The following PVT1 variants were observed in gnomAD, a reference collection of about 807,000 sequenced individuals.
The protein encoded by PVT1 is CXCR4/PVT1 fusion.
intron 3 of PVT1, among the ~76,000 whole-genome samples, chr8:127,944,704 C>T (rs983586023): frequency 6.6e-5 from 10 of 152,156 alleles, no homozygotes; most frequent in Admixed American, 5.2e-4. Context: ...TGGGAAGAAG[C>T]GTGGCCATAT....
intron 3 of PVT1, among the ~76,000 whole-genome samples, chr8:127,900,590 G>A (rs547281954): frequency 2.0e-5 from 3 of 152,172 alleles, no homozygotes; most frequent in Admixed American, 6.5e-5. Context: ...CTTTTCTCCC[G>A]GCGCTATGCT....
At chr8:127,842,886 A>G (rs886115071) in intron 2 of PVT1, among the ~76,000 whole-genome samples, 1 of 152,162 alleles carries the variant, frequency 6.6e-6, no homozygotes, top group Non-Finnish European at 1.5e-5. Context: ...ATTGCCTAGT[A>G]CCCAACTTCC....
intron 3 of PVT1, among the ~76,000 whole-genome samples, chr8:127,946,392 C>T (rs2129917064): frequency 6.6e-6 from 1 of 152,346 alleles, no homozygotes; most frequent in South Asian, 2.1e-4. Flanking sequence ...GTTAAGAAAG[C>T]ATCTTCCATC....
At chr8:127,914,607 G>A (rs1430224544) in intron 3 of PVT1, among the ~76,000 whole-genome samples, 1 of 152,102 alleles carries the variant, frequency 6.6e-6, no homozygotes, top group Non-Finnish European at 1.5e-5. Flanking sequence ...ACTGTAAAAT[G>A]GAATGAGACA....
At chr8:128,008,796 G>A in intron 4 of PVT1, 2 of 408,170 alleles carry the variant, frequency 4.9e-6, no homozygotes, top group South Asian at 3.7e-5. Context: ...CCACTCAGCT[G>A]ATGAGATTGA....
chr8:127,861,278 C>T lies in PVT1; in HGVS notation n.373-29311C>T, dbSNP rs115591471. ...GGCCACTTGTTTCTGATGGGAGCCA[C>T]TTCTCAAACAGGTCGATGACTAGGA... On this transcript the variant is annotated intron_variant and non_coding_transcript_variant, in intron 2 of 10. Coordinates refer to ENST00000651587, the Ensembl canonical transcript of PVT1. Among the ~76,000 whole-genome samples the T allele has an allele frequency of 7.4e-3, 1,134 of 152,274 alleles. 13 individuals are homozygous for T. The highest frequency in any genetic ancestry group is 0.026 in the African/African-American group (1,075 of 41,558).
rs369747406 is a variant in PVT1 at position 127,804,415 on chromosome 8, C to G, written n.372+8344C>G. Among the ~76,000 whole-genome samples the G allele has an allele frequency of 6.6e-4, 100 of 152,290 alleles. 3 individuals are homozygous for G. In the South Asian group the frequency reaches 0.02, roughly 30 times the overall value. ...TTAACTCCCGGCTTCAAGTGACCCT[C>G]CCACTTTGGCCTCCCAAAGTGTTGA... On this transcript the variant is annotated intron_variant and non_coding_transcript_variant, in intron 2 of 10. Coordinates refer to ENST00000651587, the Ensembl canonical transcript of PVT1.
intron 3 of PVT1, among the ~76,000 whole-genome samples, chr8:127,986,186 T>C (rs1235912720): frequency 1.3e-5 from 2 of 152,054 alleles, no homozygotes; most frequent in Non-Finnish European, 2.9e-5. Context: ...TAGAGAGGAA[T>C]GGATGATGTG....
chr8:127,972,662 C>A (rs1816777085), intron 3 of PVT1, among the ~76,000 whole-genome samples: 1 of 151,960 alleles, frequency 6.6e-6, no homozygotes, highest in Non-Finnish European at 1.5e-5. Context: ...TCACTTGAAC[C>A]CAGGAGGCAG....
At chr8:128,077,199 C>A (rs1409976406) in intron 5 of PVT1, among the ~76,000 whole-genome samples, 1 of 152,162 alleles carries the variant, frequency 6.6e-6, no homozygotes, top group African/African-American at 2.4e-5. Flanking sequence ...AGGCATAGCC[C>A]ATCTAAGTGT....
chr8:128,046,459 G>A (rs1288712208), intron 4 of PVT1, among the ~76,000 whole-genome samples: 1 of 152,228 alleles, frequency 6.6e-6, no homozygotes, highest in Non-Finnish European at 1.5e-5. Flanking sequence ...CACTGCATCT[G>A]TTGCCTTGTG....
At chr8:128,061,119 A>G (rs1162318011) in intron 4 of PVT1, among the ~76,000 whole-genome samples, 1 of 152,162 alleles carries the variant, frequency 6.6e-6, no homozygotes, top group East Asian at 1.9e-4. Context: ...CATGTTGGCG[A>G]GGCTGGTCTC....
chr8:127,949,616 C>T (rs1203852565), intron 3 of PVT1, among the ~76,000 whole-genome samples: 2 of 151,940 alleles, frequency 1.3e-5, no homozygotes, highest in Non-Finnish European at 2.9e-5. Flanking sequence ...GGCACCCAGA[C>T]CTGCCGTGCT....
intron 5 of PVT1, among the ~76,000 whole-genome samples, chr8:128,084,717 C>G (rs1490295342): frequency 6.6e-6 from 1 of 152,158 alleles, no homozygotes; most frequent in Non-Finnish European, 1.5e-5. Flanking sequence ...TCTTATGAGC[C>G]TGCTCAATTG....
intron 5 of PVT1, among the ~76,000 whole-genome samples, chr8:128,083,923 T>G (rs1368458359): frequency 6.6e-6 from 1 of 152,198 alleles, no homozygotes; most frequent in Non-Finnish European, 1.5e-5. Flanking sequence ...TTCATGAGTT[T>G]AAAGGATCAA....
At chr8:127,991,548 A>G (rs1478417910) in intron 4 of PVT1, among the ~76,000 whole-genome samples, 1 of 152,084 alleles carries the variant, frequency 6.6e-6, no homozygotes, top group East Asian at 1.9e-4. Context: ...GAGGGCTGGA[A>G]CAAGCTATTC....
intron 3 of PVT1, among the ~76,000 whole-genome samples, chr8:127,908,282 T>A (rs1815847330): frequency 6.6e-6 from 1 of 152,078 alleles, no homozygotes; most frequent in African/African-American, 2.4e-5. Context: ...TATCTGTGCA[T>A]GCATGTGCAT....
intron 4 of PVT1, among the ~76,000 whole-genome samples, chr8:128,029,747 C>A (rs963387674): frequency 1.3e-5 from 2 of 152,060 alleles, no homozygotes; most frequent in African/African-American, 4.8e-5. Flanking sequence ...TGCAGTGAGC[C>A]GAGATCGCGC....
chr8:127,974,270 T>C (rs971240750), intron 3 of PVT1, among the ~76,000 whole-genome samples: 8 of 152,200 alleles, frequency 5.3e-5, no homozygotes, highest in Admixed American at 6.5e-5. Flanking sequence ...ATCATATTTC[T>C]TTGACTTGAT....
Sources: allele counts gnomAD v4.1 joint callset (sites outside exome capture counted in the v4.1 genomes callset), GRCh38; gene constraint gnomAD v4.1.1; transcripts MANE v1.5; gene names NCBI Gene and HGNC (gene_info 2026-07-23, HGNC 2026-07-21).